PDE4D: variants seen among roughly 807,000 people sequenced by gnomAD.
The protein encoded by PDE4D is phosphodiesterase 4D.
Under a neutral mutation model 87.4 loss-of-function variants are expected in PDE4D, and 24 were observed. The ratio of observed to expected loss-of-function variants is 0.27; its 90% CI spans 0.20 to 0.39. The LOEUF is 0.39. Ranked by LOEUF, PDE4D falls within the 10% of genes least tolerant of loss-of-function variation. PDE4D has a pLI of 1.00. For synonymous variants in PDE4D, 384 were observed against 383.2 expected (o/e 1.00, Z -0.02); for missense variants, 714 against 1,041.0 (o/e 0.69, Z 4.32).
intron 1 of PDE4D, among the ~76,000 whole-genome samples, chr5:59,394,490 C>T (rs971006112): frequency 6.6e-6 from 1 of 152,140 alleles, no homozygotes; most frequent in African/African-American, 2.4e-5. Context: ...ACCATTAATG[C>T]ATGCAATGAC....
intron 1 of PDE4D, among the ~76,000 whole-genome samples, chr5:59,671,714 G>A (rs913455587): frequency 6.6e-6 from 1 of 151,654 alleles, no homozygotes; most frequent in Admixed American, 6.6e-5. Flanking sequence ...AGGCTGAGGT[G>A]GGAGGATCAC....
chr5:59,861,954 C>A (rs984086121), intron 1 of PDE4D, among the ~76,000 whole-genome samples: 2 of 152,122 alleles, frequency 1.3e-5, no homozygotes, highest in African/African-American at 4.8e-5. Context: ...TGAAGCAGTC[C>A]AAATTTAGAG....
chr5:59,652,301 T>TA (rs1206440575), intron 1 of PDE4D, among the ~76,000 whole-genome samples: 1 of 152,222 alleles, frequency 6.6e-6, no homozygotes, highest in African/African-American at 2.4e-5. Flanking sequence ...ATTCATTCCT[T>TA]AAAAGAGTTT....
intron 2 of PDE4D, among the ~76,000 whole-genome samples, chr5:60,039,113 T>G (rs1768157100): frequency 6.6e-6 from 1 of 151,532 alleles, no homozygotes; most frequent in South Asian, 2.1e-4. Flanking sequence ...CTATAAATCA[T>G]GCTGCTATAA....
intron 2 of PDE4D, among the ~76,000 whole-genome samples, chr5:60,104,420 C>T (rs1776621262): frequency 6.6e-6 from 1 of 152,242 alleles, no homozygotes; most frequent in Non-Finnish European, 1.5e-5. Flanking sequence ...GTAGGCTCCA[C>T]CTCTGGGGGC....
intron 1 of PDE4D, among the ~76,000 whole-genome samples, chr5:59,720,361 C>G (rs962744298): frequency 6.6e-6 from 1 of 152,132 alleles, no homozygotes; most frequent in African/African-American, 2.4e-5. Context: ...CCAGGCCTGT[C>G]TTGAACTCCT....
intron 1 of PDE4D, among the ~76,000 whole-genome samples, chr5:59,228,119 A>G (rs153969): frequency 0.16 from 24,583 of 152,122 alleles, 2,185 homozygotes; most frequent in Admixed American, 0.22. Flanking sequence ...GGATGGAGCT[A>G]CAGGCTATTA....
intron 5 of PDE4D, among the ~76,000 whole-genome samples, chr5:59,153,285 A>T (rs1168216377): frequency 6.6e-6 from 1 of 152,172 alleles, no homozygotes; most frequent in Non-Finnish European, 1.5e-5. Flanking sequence ...CTTAAATGCT[A>T]CTCGGACACA....
chr5:60,133,932 T>C (rs772051614), intron 2 of PDE4D, among the ~76,000 whole-genome samples: 1 of 152,194 alleles, frequency 6.6e-6, no homozygotes, highest in Non-Finnish European at 1.5e-5. Flanking sequence ...AAAAATACCA[T>C]TTTCTTCAAT....
intron 2 of PDE4D, among the ~76,000 whole-genome samples, chr5:59,200,078 C>CACACATACATGCATGTAG (rs1746580186): frequency 2.0e-5 from 3 of 150,142 alleles, no homozygotes; most frequent in Admixed American, 6.6e-5. Flanking sequence ...CACGTATGCA[C>CACACATACATGCATGTAG]ACATACATGT....
chr5:60,021,274 A>G (rs569632364), intron 2 of PDE4D: 4 of 152,088 alleles, frequency 2.6e-5, no homozygotes, highest in African/African-American at 9.7e-5. Context: ...AAGTCACTCA[A>G]TGACATGCAA....
intron 12 of PDE4D, among the ~76,000 whole-genome samples, chr5:58,976,882 A>C (rs1743940895): frequency 1.3e-5 from 2 of 152,188 alleles, no homozygotes; most frequent in South Asian, 4.1e-4. Flanking sequence ...TGGGGAAAAA[A>C]TCCATTTGAG....
intron 1 of PDE4D, among the ~76,000 whole-genome samples, chr5:60,307,180 T>C (rs1387006509): frequency 6.6e-6 from 1 of 152,246 alleles, no homozygotes; most frequent in East Asian, 1.9e-4. Flanking sequence ...GAGTTGTAAA[T>C]ACTTTAAACA....
chr5:59,425,432 C>T lies in PDE4D; in HGVS notation c.456-209464G>A, dbSNP rs542802668. 7.2e-5 allele frequency among the ~76,000 whole-genome samples: 11 copies of T among 152,178 alleles called. No homozygotes were observed. In the South Asian group the frequency reaches 8.3e-4, roughly 11 times the overall value. On this transcript the variant is annotated intron_variant, in intron 1 of 14. Coordinates refer to ENST00000340635, the MANE Select transcript of PDE4D (RefSeq NM_001104631.2). ...GGAGATTTAACATCCCTATTCTTTA[C>T]CTACTTGAAATCATCAGCTACTTCC...
intron 1 of PDE4D, among the ~76,000 whole-genome samples, chr5:59,278,305 C>T (rs1383402085): frequency 2.0e-5 from 3 of 152,012 alleles, no homozygotes; most frequent in African/African-American, 4.8e-5. Context: ...TTCCTGTTAG[C>T]ATGCAAGCAT....
intron 1 of PDE4D, among the ~76,000 whole-genome samples, chr5:59,731,577 G>C (rs949122717): frequency 6.7e-6 from 1 of 148,896 alleles, no homozygotes; most frequent in Admixed American, 6.7e-5. Context: ...GACAAAAAAA[G>C]ACTTTCTAAT....
intron 3 of PDE4D, among the ~76,000 whole-genome samples, chr5:59,907,692 C>T (rs1752990947): frequency 6.6e-6 from 1 of 152,168 alleles, no homozygotes; most frequent in Admixed American, 6.5e-5. Flanking sequence ...TCCTTGTCAT[C>T]TTTGAGCGAA....
At chr5:59,961,477 G>C (rs1418857490) in intron 3 of PDE4D, among the ~76,000 whole-genome samples, 1 of 151,924 alleles carries the variant, frequency 6.6e-6, no homozygotes. Flanking sequence ...ATTTTGAACT[G>C]TATTCTGAGA....
rs1284147017 is a variant in PDE4D at position 60,400,048 on chromosome 5, C to T, written c.-90+87894G>A. Among the ~76,000 whole-genome samples, 3 of 152,216 alleles carry T rather than the reference C, an allele frequency of 2.0e-5. No homozygotes were observed. The East Asian group carries it at 5.8e-4, about 29-fold the overall frequency. On this transcript the variant is annotated intron_variant, in intron 1 of 16. Transcript: ENST00000502484. Reference sequence around the variant, plus strand: ...ATATCAGGACCCCTCACTAAATTCACATCAGCATCTGAGGCTTATCCTACC... The same window carrying T: ...ATATCAGGACCCCTCACTAAATTCATATCAGCATCTGAGGCTTATCCTACC...
Sources: gnomAD v4.1 joint callset for allele counts (sites outside exome capture counted in the v4.1 genomes callset) on GRCh38, gnomAD v4.1.1 for gene constraint, MANE v1.5 for transcripts, NCBI Gene and HGNC (gene_info 2026-07-23, HGNC 2026-07-21) for gene names.